The following MYLK variants were observed in gnomAD, a reference collection of about 807,000 sequenced individuals.
MYLK encodes the protein myosin light chain kinase.
MYLK carries 106 observed loss-of-function variants against 203.4 expected under a neutral mutation model. The ratio of observed to expected loss-of-function variants is 0.52; its 90% CI spans 0.45 to 0.61. MYLK has a LOEUF of 0.61. MYLK is among the 20% of genes least tolerant of loss of function. The probability of loss-of-function intolerance (pLI) is 0.00; values close to 1 mark genes in which losing one functional copy is unlikely to be tolerated. For missense variants in MYLK, 2,072 were observed against 2,442.3 expected (o/e 0.85, Z 3.20); for synonymous variants, 867 against 959.5 (o/e 0.90, Z 1.78).
intron 4 of MYLK, among the ~76,000 whole-genome samples, chr3:123,792,209 C>T (rs73857520): frequency 4.4e-4 from 67 of 152,360 alleles, no homozygotes; most frequent in African/African-American, 1.6e-3. Flanking sequence ...ATTTGTTTGA[C>T]TTGAGGAAGG....
At chr3:123,766,209 A>G (rs2063696822) in intron 4 of MYLK, among the ~76,000 whole-genome samples, 1 of 152,268 alleles carries the variant, frequency 6.6e-6, no homozygotes, top group Admixed American at 6.5e-5. Context: ...TAATAAATAA[A>G]TCAGACCAAA....
rs529617417 is a variant in MYLK, at chr3:123,709,241, C to T, written c.1943-346G>A. On this transcript the variant is annotated intron_variant, in intron 14 of 33. Transcript: ENST00000360304. The stretch of plus-strand genomic sequence containing the variant: ...CTGCAAGCTCCACCTCCCAGGTTCA[C>T]GCCATTCTCCTGCCTCAGCCTCCCG... The T allele has an allele frequency of 3.0e-3, 664 of 219,856 alleles. 4 individuals are homozygous for T. Among genetic ancestry groups the T allele is most frequent in the Non-Finnish European group, 3.8e-3 (416 of 109,290 alleles). The allele number at this position is 219,856 out of a possible 1,614,324, so 13.6% of individuals were successfully genotyped here. A position where few individuals can be genotyped will look rare whatever the true frequency, so the allele number is the denominator to read the frequency against.
chr3:123,772,394 A>G (rs926930234), intron 4 of MYLK, among the ~76,000 whole-genome samples: 1 of 152,096 alleles, frequency 6.6e-6, no homozygotes, highest in African/African-American at 2.4e-5. Flanking sequence ...GTAAGTGTGG[A>G]TAACTTGAAA....
chr3:123,772,968 C>G (rs952508006), intron 4 of MYLK, among the ~76,000 whole-genome samples: 3 of 151,884 alleles, frequency 2.0e-5, no homozygotes, highest in African/African-American at 7.2e-5. Flanking sequence ...CTATTTTTAA[C>G]AATTTGGAAA....
intron 13 of MYLK, among the ~76,000 whole-genome samples, chr3:123,718,102 T>A (rs753618110): frequency 1.4e-4 from 21 of 152,220 alleles, no homozygotes; most frequent in Middle Eastern, 6.8e-3. Flanking sequence ...GCTCAAGAGA[T>A]CCACCTGCCT....
In MYLK at chr3:123,626,923, C is replaced by A. The variant is rs751617301; in HGVS notation, c.5133G>T (p.Thr1711=). ...KKDMKNRLDC[T]QCLQHPWLMK... ...TTAGCCATGGATGCTGAAGGCACTG[C>A]GTGCAGTCCAGGCGGTTTCTGACAG... Residue 1711 remains threonine, a synonymous_variant, in exon 31 of 34, where the codon ACG becomes ACT. Coordinates refer to ENST00000360304, the MANE Select transcript of MYLK (RefSeq NM_053025.4). 4 of 1,614,032 alleles carry A rather than the reference C, an allele frequency of 2.5e-6. No individual in the cohort carries two copies. The highest frequency in any genetic ancestry group is 1.6e-4 in the Middle Eastern group (1 of 6,082).
chr3:123,629,595 T>C lies in MYLK; in HGVS notation c.4993A>G (p.Asn1665Asp), dbSNP rs766692784. The change falls in exon 30 of 34, where the codon AAC becomes GAC. Residue 1665 changes from asparagine to aspartate, a missense_variant. Physicochemically the swap from Asn to Asp is conservative, Grantham distance 23. Coordinates refer to ENST00000360304, the MANE Select transcript of MYLK (RefSeq NM_053025.4). This position sits in a 1 kb window ranked among gnomAD's most constrained non-coding sequence, Gnocchi z 4.4. ...ACGTTGGCCAAGGTTTCGTTATCGT[T>C]GTCTCCCATGAAGGGGGAAAGGCCA... ...VSGLSPFMGD[N>D]DNETLANVTS... is the part of the protein sequence containing the mutation. 1 of 1,614,052 alleles carries C rather than the reference T, an allele frequency of 6.2e-7. No homozygotes were observed. Among genetic ancestry groups the C allele is most frequent in the Non-Finnish European group, 8.5e-7 (1 of 1,180,020 alleles).
intron 3 of MYLK, among the ~76,000 whole-genome samples, chr3:123,831,070 A>G (rs2066309229): frequency 6.6e-6 from 1 of 152,096 alleles, no homozygotes; most frequent in Admixed American, 6.5e-5. Flanking sequence ...GGTCCAGGTA[A>G]CACAAAGTTC....
intron 4 of MYLK, among the ~76,000 whole-genome samples, chr3:123,762,716 G>A (rs1004391032): frequency 9.2e-5 from 14 of 152,140 alleles, no homozygotes; most frequent in East Asian, 3.9e-4. Flanking sequence ...GCTTGACGGA[G>A]GTAGTTTGCC....
chr3:123,803,268 T>A (rs1007417793), intron 3 of MYLK, among the ~76,000 whole-genome samples: 2 of 152,206 alleles, frequency 1.3e-5, no homozygotes, highest in Admixed American at 1.3e-4. Flanking sequence ...TCACACAGAA[T>A]AGGAGCTGAA....
intron 1 of MYLK, among the ~76,000 whole-genome samples, chr3:123,883,153 C>T (rs756482179): frequency 6.6e-6 from 1 of 152,134 alleles, no homozygotes; most frequent in Non-Finnish European, 1.5e-5. Flanking sequence ...GAGAAGAACA[C>T]AGCCTCTCTT....
intron 18 of MYLK, among the ~76,000 whole-genome samples, chr3:123,698,536 C>T (rs930435323): frequency 6.6e-6 from 1 of 152,178 alleles, no homozygotes; most frequent in African/African-American, 2.4e-5. Flanking sequence ...GGCGTCTGCT[C>T]CTCTGAAGTC....
In MYLK at chr3:123,709,889, C is replaced by G. The variant is rs2061622837; in HGVS notation, c.1809G>C (p.Lys603Asn). The G allele has an allele frequency of 6.2e-7, 1 of 1,613,986 alleles. No individual in the cohort carries two copies. Among genetic ancestry groups the G allele is most frequent in the Non-Finnish European group, 8.5e-7 (1 of 1,180,022 alleles). Residue 603 changes from lysine to asparagine, a missense_variant, in exon 14 of 34, where the codon AAG becomes AAC. Around this residue, in one of 3 missense-constraint regions of MYLK, gnomAD observed 865 missense variants for 1,016.0 expected, o/e 0.85. Coordinates refer to ENST00000360304, the MANE Select transcript of MYLK (RefSeq NM_053025.4). The stretch of plus-strand genomic sequence containing the variant: ...GGTACTCACTCTTCCTGCTACTCTT[C>G]TTTTCTGTGTGGTAGAAAACAGAAC... Reference protein sequence around the residue: ...SCSAWVTVHEKKSSRKSEYLL... With the variant: ...SCSAWVTVHENKSSRKSEYLL...
chr3:123,634,747 G>A (rs1559993407), intron 29 of MYLK, among the ~76,000 whole-genome samples: 1 of 152,212 alleles, frequency 6.6e-6, no homozygotes, highest in Non-Finnish European at 1.5e-5. Flanking sequence ...CCCACAGGCA[G>A]CAAGGAAGTA....
rs962474559 is a variant in MYLK, at chr3:123,701,569, G to A, written c.2391-60C>T. ...GCCCTCTGGGCAAAGGGCCTGTTCA[G>A]TGTGGACTTGATCACAGGCTGCTGG... On this transcript the variant is annotated intron_variant, in intron 16 of 33. Coordinates refer to ENST00000360304, the MANE Select transcript of MYLK (RefSeq NM_053025.4). The A allele has an allele frequency of 2.6e-6, 4 of 1,545,144 alleles. No homozygotes were observed. The African/African-American group carries it at 5.4e-5, about 21-fold the overall frequency.
intron 33 of MYLK, among the ~76,000 whole-genome samples, chr3:123,614,962 A>G (rs561314865): frequency 1.3e-5 from 2 of 151,408 alleles, no homozygotes; most frequent in Non-Finnish European, 2.9e-5. Flanking sequence ...ACATGCCACC[A>G]TGCCTGGCTA....
intron 3 of MYLK, chr3:123,831,319 C>G: frequency 1.6e-6 from 2 of 1,239,080 alleles, no homozygotes; most frequent in Non-Finnish European, 2.1e-6. Context: ...TTTCCACCAC[C>G]TTCGCCAGTT....
chr3:123,876,498 C>G (rs2033161047), intron 2 of MYLK, 61 bp downstream of exon 2: 1 of 152,138 alleles, frequency 6.6e-6, no homozygotes, highest in African/African-American at 2.4e-5. Flanking sequence ...TGATACGAAT[C>G]TTAGTGGCTA....
intron 2 of MYLK, among the ~76,000 whole-genome samples, chr3:123,868,774 C>T (rs2032527345): frequency 6.6e-6 from 1 of 152,122 alleles, no homozygotes; most frequent in African/African-American, 2.4e-5. Flanking sequence ...AACTGTAAAA[C>T]ATTATCCAAA....
Sources: gnomAD v4.1 joint callset for allele counts (sites outside exome capture counted in the v4.1 genomes callset) on GRCh38, gnomAD v4.1.1 for gene constraint, gnomAD v4.1.1 regional missense constraint, Gnocchi (gnomAD v3.1) non-coding constraint, MANE v1.5 for transcripts, NCBI Gene and HGNC (gene_info 2026-07-23, HGNC 2026-07-21) for gene names.